Variants in TRPM3 observed in about 807,000 individuals in gnomAD.
TRPM3 encodes the protein long transient receptor potential channel 3.
Under a neutral mutation model 181.2 loss-of-function variants are expected in TRPM3, and 77 were observed. That is an observed-to-expected ratio of 0.42 (90% CI 0.35 to 0.51). The LOEUF (loss-of-function observed/expected upper bound fraction) is 0.51. Among genes scored for constraint, TRPM3 ranks in the 20% least tolerant of loss-of-function variants. The pLI is 0.01. For synonymous variants in TRPM3, 745 were observed against 796.4 expected (o/e 0.94, Z 1.09); for missense variants, 1,759 against 2,196.7 (o/e 0.80, Z 3.98).
chr9:71,397,842 T>A (rs1217610059), intron 1 of TRPM3, among the ~76,000 whole-genome samples: 3 of 152,168 alleles, frequency 2.0e-5, no homozygotes, highest in Non-Finnish European at 2.9e-5. Flanking sequence ...GAATACACAT[T>A]AGAGATTTTT....
intron 1 of TRPM3, among the ~76,000 whole-genome samples, chr9:71,065,443 A>G (rs34975390): frequency 0.15 from 22,900 of 152,102 alleles, 2,040 homozygotes; most frequent in African/African-American, 0.26. Context: ...TGAACACGGG[A>G]GAGTTAAGGG....
intron 1 of TRPM3, among the ~76,000 whole-genome samples, chr9:71,370,714 A>C (rs2092481640): frequency 6.6e-6 from 1 of 152,228 alleles, no homozygotes. Flanking sequence ...TCAGAGATCT[A>C]GATACAATAA....
At chr9:71,212,520 G>A (rs916644242) in intron 1 of TRPM3, among the ~76,000 whole-genome samples, 2 of 152,148 alleles carry the variant, frequency 1.3e-5, no homozygotes, top group Non-Finnish European at 2.9e-5. Flanking sequence ...GGAACTCTTA[G>A]AGCCTTTCAT....
Position 70,862,959 on chromosome 9 carries a change from A to C in TRPM3, c.411T>G (p.Asp137Glu). 1 of 1,613,702 alleles carries C rather than the reference A, an allele frequency of 6.2e-7. No individual in the cohort carries two copies. The highest frequency in any genetic ancestry group is 8.5e-7 in the Non-Finnish European group (1 of 1,179,716). ...ISKHTQLSPT[D>E]AFGTIEFQGG... Reference sequence around the variant, plus strand: ...CTTGGAACTCAATGGTCCCAAAAGCATCCGTAGGGCTGAGTTGAGTGTGTT... The same window carrying C: ...CTTGGAACTCAATGGTCCCAAAAGCCTCCGTAGGGCTGAGTTGAGTGTGTT... The change falls in exon 3 of 26, where the codon GAT (aspartate) becomes GAG (glutamate). Residue 137 changes from aspartate (D) to glutamate (E), a missense_variant. Physicochemically the swap from Asp to Glu is conservative, Grantham distance 45. Coordinates refer to ENST00000677713, the MANE Select transcript of TRPM3 (RefSeq NM_001366145.2).
At chr9:71,218,775 AT>A (rs1351016273) in intron 1 of TRPM3, among the ~76,000 whole-genome samples, 8 of 152,134 alleles carry the variant, frequency 5.3e-5, no homozygotes, top group Non-Finnish European at 1.0e-4. Flanking sequence ...AAGCATAGCG[AT>A]TTTTTTGGTA....
chr9:70,681,378 C>A (rs926353373), intron 9 of TRPM3, 128 bp downstream of exon 9: 3 of 742,376 alleles, frequency 4.0e-6, no homozygotes, highest in South Asian at 1.8e-5. Flanking sequence ...CAGGAGAGAC[C>A]CCTATGTTAT....
chr9:70,641,778 C>A (rs2058092713), intron 9 of TRPM3, among the ~76,000 whole-genome samples: 1 of 152,092 alleles, frequency 6.6e-6, no homozygotes, highest in Non-Finnish European at 1.5e-5. Context: ...GCATCCTGTC[C>A]ATAGAGGCAG....
intron 9 of TRPM3, among the ~76,000 whole-genome samples, chr9:70,674,117 C>T (rs983257980): frequency 2.6e-5 from 4 of 151,874 alleles, no homozygotes; most frequent in Non-Finnish European, 2.9e-5. Flanking sequence ...AACTGTCTGC[C>T]CACAGGAAAG....
chr9:71,024,779 T>C (rs1392031604), intron 1 of TRPM3, among the ~76,000 whole-genome samples: 1 of 152,234 alleles, frequency 6.6e-6, no homozygotes, highest in East Asian at 1.9e-4. Context: ...TCAGAGATGA[T>C]AGCATAACGG....
At chr9:71,375,084 A>C (rs966874317) in intron 1 of TRPM3, among the ~76,000 whole-genome samples, 4 of 152,230 alleles carry the variant, frequency 2.6e-5, no homozygotes, top group Admixed American at 2.6e-4. Context: ...AGAACTAGAA[A>C]AAACTATTTT....
rs560134056 is a variant in TRPM3, at chr9:71,197,440, C to G, written c.183+249213G>C. Among the ~76,000 whole-genome samples the G allele has an allele frequency of 3.3e-5, 5 of 152,116 alleles. No individual in the cohort carries two copies. In the South Asian group the frequency reaches 1.0e-3, roughly 32 times the overall value. ...TTCTAGTTCTAGATCCCTGAGGAAT[C>G]GCCACACTGACTTCCACAAGGGTTG... On this transcript the variant is annotated intron_variant, in intron 1 of 24. Coordinates refer to the TRPM3 transcript ENST00000357533.
intron 7 of TRPM3, among the ~76,000 whole-genome samples, chr9:70,783,097 G>GT (rs2130830319): frequency 6.6e-6 from 1 of 152,244 alleles, no homozygotes; most frequent in East Asian, 1.9e-4. Context: ...TTTTTGTTTT[G>GT]TAATACTTGT....
chr9:71,409,924 C>T (rs2093512522), intron 1 of TRPM3, among the ~76,000 whole-genome samples: 1 of 152,190 alleles, frequency 6.6e-6, no homozygotes, highest in South Asian at 2.1e-4. Context: ...GACCACAGTG[C>T]AATCAAATTG....
chr9:71,276,451 G>A (rs1353472813), intron 1 of TRPM3, among the ~76,000 whole-genome samples: 1 of 151,884 alleles, frequency 6.6e-6, no homozygotes, highest in Non-Finnish European at 1.5e-5. Flanking sequence ...TTACTATGTA[G>A]CATATACAAA....
At chr9:71,182,459 T>A (rs368691398) in intron 1 of TRPM3, among the ~76,000 whole-genome samples, 1 of 152,038 alleles carries the variant, frequency 6.6e-6, no homozygotes, top group East Asian at 1.9e-4. Flanking sequence ...ACCTGACAAT[T>A]TCCTTTTCTT....
chr9:71,111,530 A>C (rs2071092218), intron 1 of TRPM3, among the ~76,000 whole-genome samples: 1 of 152,170 alleles, frequency 6.6e-6, no homozygotes, highest in Non-Finnish European at 1.5e-5. Flanking sequence ...GATACCAATA[A>C]ATGTCTTACA....
chr9:71,351,250 A>T (rs1565488987), intron 1 of TRPM3, among the ~76,000 whole-genome samples: 2 of 152,218 alleles, frequency 1.3e-5, no homozygotes, highest in Non-Finnish European at 2.9e-5. Flanking sequence ...ATTATGGCTA[A>T]CCAGCTACTA....
intron 1 of TRPM3, among the ~76,000 whole-genome samples, chr9:71,432,482 T>A (rs1357503334): frequency 6.6e-6 from 1 of 150,662 alleles, no homozygotes; most frequent in African/African-American, 2.4e-5. Context: ...AATAACTTGA[T>A]GAACCTTCAA....
At chr9:70,657,186 T>A (rs1429365408) in intron 9 of TRPM3, among the ~76,000 whole-genome samples, 2 of 132,298 alleles carry the variant, frequency 1.5e-5, no homozygotes, top group Non-Finnish European at 3.1e-5. Flanking sequence ...TTTCTACACA[T>A]TGGGCTTGAG....
Sources: gnomAD v4.1 joint callset for allele counts (sites outside exome capture counted in the v4.1 genomes callset) on GRCh38, gnomAD v4.1.1 for gene constraint, MANE v1.5 for transcripts, NCBI Gene and HGNC (gene_info 2026-07-23, HGNC 2026-07-21) for gene names.